The following HPRT1 variants were observed in gnomAD, a reference collection of about 807,000 sequenced individuals.
The protein encoded by HPRT1 is hypoxanthine phosphoribosyltransferase 1, also known as hypoxanthine-guanine phosphoribosyltransferase.
Under a neutral mutation model 19.0 loss-of-function variants are expected in HPRT1, and 4 were observed. That is an observed-to-expected ratio of 0.21 (90% CI 0.10 to 0.48). The LOEUF (loss-of-function observed/expected upper bound fraction) is 0.48. Among genes scored for constraint, HPRT1 ranks in the 20% least tolerant of loss-of-function variants. The pLI is 0.98. For missense variants in HPRT1, 65 were observed against 164.0 expected (o/e 0.40, Z 3.30); for synonymous variants, 53 against 54.9 (o/e 0.97, Z 0.15).
chrX:134,485,936 A>G (rs1373012962), intron 3 of HPRT1, among the ~76,000 whole-genome samples: 5 of 112,294 alleles, frequency 4.5e-5, no homozygotes, highest in East Asian at 2.8e-4. Flanking sequence ...TTAAAGGACT[A>G]CTAATCAGAC....
At chrX:134,476,459 A>T (rs1185817026) in intron 3 of HPRT1, among the ~76,000 whole-genome samples, 2 of 112,084 alleles carry the variant, frequency 1.8e-5, no homozygotes, top group African/African-American at 6.5e-5. Flanking sequence ...TTTACTCAAC[A>T]AAAGTGATTG....
At chrX:134,490,929 G>A (rs2077664690) in intron 5 of HPRT1, among the ~76,000 whole-genome samples, 1 of 105,643 alleles carries the variant, frequency 9.5e-6, no homozygotes, top group East Asian at 3.0e-4. Context: ...CGTCAACTTC[G>A]TATTCCTCCT....
intron 8 of HPRT1, 56 bp downstream of exon 8, chrX:134,498,740 G>GA: frequency 1.3e-6 from 1 of 799,417 alleles, no homozygotes; most frequent in Middle Eastern, 2.9e-4. Flanking sequence ...AAAAATTTAG[G>GA]AAAGAGAATT....
intron 1 of HPRT1, among the ~76,000 whole-genome samples, chrX:134,468,172 A>G (rs2077601904): frequency 9.1e-6 from 1 of 110,052 alleles, no homozygotes; most frequent in Admixed American, 9.8e-5. Context: ...ATGTCATGCC[A>G]TCTATTACAC....
At chrX:134,490,342 G>A (rs2077663099) in intron 5 of HPRT1, 137 bp downstream of exon 5, 1 of 325,420 alleles carries the variant, frequency 3.1e-6, no homozygotes, top group East Asian at 4.9e-5. Flanking sequence ...GAGTGAGATT[G>A]GTTTTTTGTA....
At chrX:134,460,521 A>G (rs1291618769) in intron 1 of HPRT1, 183 bp downstream of exon 1, 1 of 279,954 alleles carries the variant, frequency 3.6e-6, no homozygotes, top group African/African-American at 2.8e-5. Flanking sequence ...GGAGGACGGA[A>G]TGGCGGGGTT....
chrX:134,482,111 G>C (rs2077642086), intron 3 of HPRT1, among the ~76,000 whole-genome samples: 2 of 111,715 alleles, frequency 1.8e-5, no homozygotes, highest in African/African-American at 6.5e-5. Context: ...CTGGAGTGTA[G>C]TGGTGCAATC....
chrX:134,497,005 T>C (rs190115456), intron 6 of HPRT1, among the ~76,000 whole-genome samples: 23 of 112,343 alleles, frequency 2.0e-4, no homozygotes, highest in Non-Finnish European at 4.3e-4. Flanking sequence ...TAGTTTTTTT[T>C]AAATGGCTGA....
chrX:134,498,775 A>T (rs1470946793), intron 8 of HPRT1, 91 bp downstream of exon 8: 25 of 608,778 alleles, frequency 4.1e-5, no homozygotes, highest in Non-Finnish European at 6.4e-5. Context: ...GCACCTCATA[A>T]TTTGAACAGA....
chrX:134,491,003 T>C (rs1299220425), intron 5 of HPRT1, among the ~76,000 whole-genome samples: 1 of 101,461 alleles, frequency 9.9e-6, no homozygotes, highest in Non-Finnish European at 2.0e-5. Context: ...TCTCTCTCTC[T>C]ATGTATATAT....
chrX:134,484,825 C>T (rs2077648724), intron 3 of HPRT1, among the ~76,000 whole-genome samples: 1 of 111,106 alleles, frequency 9.0e-6, no homozygotes, highest in African/African-American at 3.3e-5. Context: ...ACAACTGATA[C>T]AGTGAACATT....
chrX:134,489,686 T>A (rs1464441695), intron 4 of HPRT1, among the ~76,000 whole-genome samples: 1 of 112,130 alleles, frequency 8.9e-6, no homozygotes, highest in Admixed American at 9.5e-5. Flanking sequence ...TGGTATCATG[T>A]TTTAGTGTAG....
chrX:134,499,758 C>A (rs1206282896), intron 8 of HPRT1, among the ~76,000 whole-genome samples: 1 of 109,335 alleles, frequency 9.1e-6, no homozygotes, highest in African/African-American at 3.3e-5. Context: ...GAGCAGAGAT[C>A]GTGCCACTGC....
intron 1 of HPRT1, among the ~76,000 whole-genome samples, chrX:134,472,136 A>G (rs1163287612): frequency 1.8e-5 from 2 of 109,765 alleles, no homozygotes; most frequent in Non-Finnish European, 3.8e-5. Flanking sequence ...ATACCTGGCA[A>G]ATTTTTACAA....
intron 6 of HPRT1, among the ~76,000 whole-genome samples, chrX:134,497,632 C>CA (rs771214917): frequency 1.6e-3 from 159 of 101,780 alleles, no homozygotes; most frequent in Middle Eastern, 6.6e-3. Flanking sequence ...AACTCCATCT[C>CA]AAAAAAAAGA....
At chrX:134,497,199 C>A (rs1299853962) in intron 6 of HPRT1, among the ~76,000 whole-genome samples, 1 of 111,783 alleles carries the variant, frequency 8.9e-6, no homozygotes, top group Admixed American at 9.5e-5. Flanking sequence ...CGAAGTGGTA[C>A]ACATCTGTAG....
Position 134,473,541 on chromosome X carries a change from T to G in HPRT1, c.134+76T>G, listed in dbSNP as rs1456316788. ...AAACATCAGCAGCTGTTCTGAGTAC[T>G]TGCTATTTGAACATAAACTAGGCCA... On this transcript the variant is annotated intron_variant, in intron 2 of 8. Coordinates refer to ENST00000298556, the MANE Select transcript of HPRT1 (RefSeq NM_000194.3). The G allele has an allele frequency of 9.3e-5, 57 of 614,323 alleles. No individual in the cohort carries two copies. The Admixed American group carries it at 1.4e-3, about 15-fold the overall frequency. 50.6% of individuals were successfully genotyped at this position (614,323 alleles called of 1,213,427 possible).
chrX:134,476,620 A>G (rs1425632334), intron 3 of HPRT1, among the ~76,000 whole-genome samples: 4 of 111,883 alleles, frequency 3.6e-5, no homozygotes, highest in South Asian at 3.7e-4. Context: ...TTGGTCTTCT[A>G]TAGCCTCCTT....
chrX:134,493,725 A>C, intron 6 of HPRT1, 135 bp downstream of exon 6: 1 of 497,827 alleles, frequency 2.0e-6, no homozygotes, highest in Middle Eastern at 4.2e-4. Context: ...AAGACTTAAG[A>C]TATAATCCTT....
Sources: gnomAD v4.1 joint callset for allele counts (sites outside exome capture counted in the v4.1 genomes callset) on GRCh38, gnomAD v4.1.1 for gene constraint, MANE v1.5 for transcripts, NCBI Gene and HGNC (gene_info 2026-07-23, HGNC 2026-07-21) for gene names.